The following GPRIN1 variants were observed in gnomAD, a reference collection of about 807,000 sequenced individuals.
GPRIN1 encodes the protein G protein regulated inducer of neurite outgrowth 1, also known as G protein-regulated inducer of neurite outgrowth 1.
A neutral mutation model predicts 2.8 loss-of-function variants in GPRIN1; 4 were observed. The ratio of observed to expected loss-of-function variants is 1.45; its 90% CI spans 0.71 to 3.32. The LOEUF (loss-of-function observed/expected upper bound fraction) is 3.32, where lower values mean the gene tolerates loss of function less well. GPRIN1 is among the 30% of genes most tolerant of loss of function. The pLI is 0.01. For missense variants in GPRIN1, 1,322 were observed against 1,343.4 expected, an observed-to-expected ratio of 0.98 and a Z score of 0.25; for synonymous variants, 589 against 589.9, an observed-to-expected ratio of 1.00 and a Z score of 0.02.
Position 176,595,837 on chromosome 5 carries a change from C to T in GPRIN1, c.*971G>A, listed in dbSNP as rs948071449. The stretch of plus-strand genomic sequence containing the variant: ...ATTTTATTACCAATGTATACTGTGA[C>T]AGTTTGTAGCCAAAAACTGCGGCTG... On this transcript the variant is annotated 3_prime_UTR_variant, in exon 2 of 2. Coordinates refer to ENST00000303991, the MANE Select transcript of GPRIN1 (RefSeq NM_052899.3). 2.0e-4 allele frequency: 132 copies of T among 655,034 alleles called. No individual in the cohort carries two copies. The highest frequency in any genetic ancestry group is 9.1e-4 in the Middle Eastern group (2 of 2,192). The allele number at this position is 655,034 out of a possible 1,614,324, so 40.6% of individuals were successfully genotyped here.
Position 176,599,434 on chromosome 5 carries a change from G to A in GPRIN1, c.401C>T (p.Ser134Phe). The A allele has an allele frequency of 6.2e-7, 1 of 1,614,240 alleles. No homozygotes were observed. Among genetic ancestry groups the A allele is most frequent in the Non-Finnish European group, 8.5e-7 (1 of 1,180,040 alleles). ...TGAGGATTTGGGCTCAGTTTTCACG[G>A]AGGACACAGGCTCTGGCTTCCCAGA... is the stretch of plus-strand genomic sequence containing the variant. Reference protein sequence around the residue: ...TTSGKPEPVSSVKTEPKSSDD... With the variant: ...TTSGKPEPVSFVKTEPKSSDD... Residue 134 changes from serine (S) to phenylalanine (F), a missense_variant, in exon 2 of 2, where the codon TCC becomes TTC. By Grantham distance (155) the Ser-to-Phe change is radical. Coordinates refer to ENST00000303991, the MANE Select transcript of GPRIN1 (RefSeq NM_052899.3).
In GPRIN1 at chr5:176,599,018, C is replaced by T; in HGVS notation, c.817G>A (p.Val273Ile). 3.7e-6 allele frequency: 6 copies of T among 1,614,210 alleles called. No individual in the cohort carries two copies. Among genetic ancestry groups the T allele is most frequent in the Non-Finnish European group, 5.1e-6 (6 of 1,180,034 alleles). The change falls in exon 2 of 2, where the codon GTC becomes ATC. Residue 273 changes from valine to isoleucine, a missense_variant. Around this residue, in one of 3 missense-constraint regions of GPRIN1, gnomAD observed 1,117 missense variants for 1,128.6 expected, o/e 0.99. Coordinates refer to ENST00000303991, the MANE Select transcript of GPRIN1 (RefSeq NM_052899.3). ...GKEHPVSSEK[V>I]APTSAEKVDL... ...ACCTTTTCTGCAGATGTAGGAGCGACCTTTTCTGAGGACACAGGATGCTCT... is the reference window on the plus strand; with the variant it reads ...ACCTTTTCTGCAGATGTAGGAGCGATCTTTTCTGAGGACACAGGATGCTCT...
Position 176,596,942 on chromosome 5 carries a change from G to T in GPRIN1, c.2893C>A (p.Pro965Thr). The change falls in exon 2 of 2, where the codon CCC (proline) becomes ACC (threonine). Residue 965 changes from proline to threonine, a missense_variant. By Grantham distance (38) the Pro-to-Thr change is conservative (BLOSUM62 -1). Transcript: ENST00000303991. This position sits in a 1 kb window ranked among gnomAD's most constrained non-coding sequence, Gnocchi z 5.2. ...PAPPPAARAG[P>T]GRSGSVRTAP... ...GTGCGCACCGAGCCCGAACGGCCGG[G>T]GCCGGCACGGGCGGCGGGCGGCGGC... The T allele has an allele frequency of 8.0e-7, 1 of 1,249,902 alleles. No individual in the cohort carries two copies. Among genetic ancestry groups the T allele is most frequent in the South Asian group, 3.1e-5 (1 of 32,548 alleles). 77.4% of individuals were successfully genotyped at this position (1,249,902 alleles called of 1,614,324 possible).
At chr5:176,608,131 G>T (rs1218337949) in intron 1 of GPRIN1, among the ~76,000 whole-genome samples, 1 of 151,864 alleles carries the variant, frequency 6.6e-6, no homozygotes, top group Admixed American at 6.6e-5. Flanking sequence ...TGTTGCCCAA[G>T]CTTGTCTCAA....
rs771581293 is a variant in GPRIN1, at chr5:176,602,281, C to T, written c.-43-2404G>A. 2.6e-5 allele frequency among the ~76,000 whole-genome samples: 4 copies of T among 152,244 alleles called. No homozygotes were observed. Among genetic ancestry groups the T allele is most frequent in the Non-Finnish European group, 4.4e-5 (3 of 68,046 alleles). ...AAAACAGCCTCCTCCCCAGCTCTGG[C>T]TGGCATTCTCCACCCTCTTATTCTA... On this transcript the variant is annotated intron_variant, in intron 1 of 1. Transcript: ENST00000303991. This position sits in a 1 kb window ranked among gnomAD's most constrained non-coding sequence, Gnocchi z 4.4.
In GPRIN1 at chr5:176,597,508, C is replaced by A. The variant is rs1266832364; in HGVS notation, c.2327G>T (p.Ser776Ile). 3 of 1,459,906 alleles carry A rather than the reference C, an allele frequency of 2.1e-6. No homozygotes were observed. The highest frequency in any genetic ancestry group is 2.7e-6 in the Non-Finnish European group (3 of 1,104,646). 90.4% of individuals were successfully genotyped at this position (1,459,906 alleles called of 1,614,324 possible). A position where few individuals can be genotyped will look rare whatever the true frequency, so the allele number is the denominator to read the frequency against. Residue 776 changes from serine (S) to isoleucine (I), a missense_variant, in exon 2 of 2, where the codon AGC becomes ATC. Coordinates refer to ENST00000303991, the MANE Select transcript of GPRIN1 (RefSeq NM_052899.3). This position sits in a 1 kb window ranked among gnomAD's most constrained non-coding sequence, Gnocchi z 6.1. Reference protein sequence around the residue: ...KDLEAAGAERSPCPEAAAPPP... With the variant: ...KDLEAAGAERIPCPEAAAPPP... ...GGGCGCTGCGGCCTCTGGGCAGGGG[C>A]TTCTCTCGGCCCCAGCGGCTTCCAG...
In GPRIN1 at chr5:176,598,861, G is replaced by A. The variant is rs1292258404; in HGVS notation, c.974C>T (p.Ser325Leu). The A allele has an allele frequency of 1.2e-5, 20 of 1,613,754 alleles. No individual in the cohort carries two copies. The highest frequency in any genetic ancestry group is 2.2e-5 in the East Asian group (1 of 44,888). ...PGLLGKLIPG[S>L]SGKNGPVSSG... is the part of the protein sequence containing the mutation. ...GGATACAGGCCCATTCTTGCCTGAT[G>A]AGCCTGGAATCAGCTTGCCCAGGAG... Residue 325 changes from serine (S) to leucine (L), a missense_variant, in exon 2 of 2, where the codon TCA (serine) becomes TTA (leucine). Around this residue, in one of 3 missense-constraint regions of GPRIN1, gnomAD observed 1,117 missense variants for 1,128.6 expected, o/e 0.99. Transcript: ENST00000303991.
chr5:176,598,117 C>T lies in GPRIN1; in HGVS notation c.1718G>A (p.Gly573Asp). 1.9e-6 allele frequency: 3 copies of T among 1,613,144 alleles called. No homozygotes were observed. The highest frequency in any genetic ancestry group is 2.2e-5 in the East Asian group (1 of 44,862). The change falls in exon 2 of 2, where the codon GGT becomes GAT. Residue 573 changes from glycine (G) to aspartate (D), a missense_variant. By Grantham distance (94) the Gly-to-Asp change is moderately conservative. Coordinates refer to ENST00000303991, the MANE Select transcript of GPRIN1 (RefSeq NM_052899.3). ...TTTTCCTGGAGTTGAGACCACTTTA[C>T]CTATAGACACAGAGTCCCCTTGTCC... ...PSGQGDSVSI[G>D]KVVSTPGKTV...
At position 176,602,138 on chromosome 5, in the gene GPRIN1, T is replaced by C. The variant is rs1038911589; in HGVS notation, c.-43-2261A>G. Among the ~76,000 whole-genome samples, 1 of 152,220 alleles carries C rather than the reference T, an allele frequency of 6.6e-6. No homozygotes were observed. The highest frequency in any genetic ancestry group is 6.5e-5 in the Admixed American group (1 of 15,286). On this transcript the variant is annotated intron_variant, in intron 1 of 1. Transcript: ENST00000303991. This position sits in a 1 kb window ranked among gnomAD's most constrained non-coding sequence, Gnocchi z 4.4. ...GGGTGCCTCGCTGTGCGCCTTGCTG[T>C]GCCTTGAACACGCCTGCCTCCATGC...
chr5:176,606,959 T>A (rs373718887), intron 1 of GPRIN1, among the ~76,000 whole-genome samples: 1 of 152,184 alleles, frequency 6.6e-6, no homozygotes, highest in Non-Finnish European at 1.5e-5. Flanking sequence ...GCCTCTGAGA[T>A]GGGATAAAGT....
Position 176,596,709 on chromosome 5 carries a change from G to A in GPRIN1, c.*99C>T. On this transcript the variant is annotated 3_prime_UTR_variant, in exon 2 of 2. Transcript: ENST00000303991. This position sits in a 1 kb window ranked among gnomAD's most constrained non-coding sequence, Gnocchi z 5.2. The stretch of plus-strand genomic sequence containing the variant: ...AGCCCTAGAGGCTGCACAACCCCTC[G>A]GAGGCCTGTGGCACGCAGAGGGGAC... 9.7e-7 allele frequency: 1 copy of A among 1,035,110 alleles called. No homozygotes were observed. 64.1% of individuals were successfully genotyped at this position (1,035,110 alleles called of 1,614,324 possible). A position where few individuals can be genotyped will look rare whatever the true frequency, so the allele number is the denominator to read the frequency against.
intron 1 of GPRIN1, among the ~76,000 whole-genome samples, chr5:176,600,330 C>T (rs534111686): frequency 5.9e-5 from 9 of 152,052 alleles, no homozygotes; most frequent in African/African-American, 9.6e-5. Flanking sequence ...TTCGAACTCC[C>T]GACCTCAGGT....
chr5:176,610,156 C>T lies in GPRIN1; in HGVS notation c.-201G>A, dbSNP rs2113358211. 1 of 150,970 alleles carries T rather than the reference C, an allele frequency of 6.6e-6. No homozygotes were observed. Among genetic ancestry groups the T allele is most frequent in the East Asian group, 2.0e-4 (1 of 5,114 alleles). 9.4% of individuals were successfully genotyped at this position (150,970 alleles called of 1,614,324 possible). A position where few individuals can be genotyped will look rare whatever the true frequency, so the allele number is the denominator to read the frequency against. ...CCCCAGCGCCGGCTCCGCGCTCCCG[C>T]CCCGCGCCCCGCCCCGGGCATGCGC... is the stretch of plus-strand genomic sequence containing the variant. On this transcript the variant is annotated 5_prime_UTR_variant, in exon 1 of 2. Coordinates refer to ENST00000303991, the MANE Select transcript of GPRIN1 (RefSeq NM_052899.3).
At position 176,602,443 on chromosome 5, in the gene GPRIN1, G is replaced by T. The variant is rs948137408; in HGVS notation, c.-43-2566C>A. The stretch of plus-strand genomic sequence containing the variant: ...GCTGTGCTATCTGATATATCCCAGA[G>T]TTGAGACCTGGCACACATGCAGTAA... On this transcript the variant is annotated intron_variant, in intron 1 of 1. Coordinates refer to ENST00000303991, the MANE Select transcript of GPRIN1 (RefSeq NM_052899.3). The surrounding 1 kb of genome is among the most constrained non-coding windows in gnomAD (Gnocchi z 4.4). Among the ~76,000 whole-genome samples the T allele has an allele frequency of 2.6e-5, 4 of 152,096 alleles. No individual in the cohort carries two copies. The highest frequency in any genetic ancestry group is 5.9e-5 in the Non-Finnish European group (4 of 68,014).
rs767527077 is a variant in GPRIN1 at position 176,596,874 on chromosome 5, G to C, written c.2961C>G (p.Phe987Leu). Residue 987 changes from phenylalanine to leucine, a missense_variant, in exon 2 of 2, where the codon TTC becomes TTG. By Grantham distance (22) the Phe-to-Leu change is conservative. This residue lies in a region of GPRIN1 where 196 missense variants were observed against 189.2 expected (regional missense o/e 1.04). Coordinates refer to ENST00000303991, the MANE Select transcript of GPRIN1 (RefSeq NM_052899.3). This position sits in a 1 kb window ranked among gnomAD's most constrained non-coding sequence, Gnocchi z 5.2. ...GGCGCACACTCTGCAGCAGCGCGCG[G>C]AACAGGCCGGGCGGACGCTTGGCGG... ...DGAAKRPPGLFRALLQSVRRP... is the reference protein window; with the variant it reads ...DGAAKRPPGLLRALLQSVRRP... 2 of 1,341,470 alleles carry C rather than the reference G, an allele frequency of 1.5e-6. No homozygotes were observed. The highest frequency in any genetic ancestry group is 2.9e-5 in the Admixed American group (1 of 34,610). 83.1% of individuals were successfully genotyped at this position (1,341,470 alleles called of 1,614,324 possible).
At chr5:176,600,645 G>A (rs73330384) in intron 1 of GPRIN1, among the ~76,000 whole-genome samples, 4,264 of 152,212 alleles carry the variant, frequency 0.028, 74 homozygotes, top group Middle Eastern at 0.051. Flanking sequence ...CGGGTGCGGC[G>A]GCTCACGCCT....
chr5:176,600,148 T>A (rs1246381772), intron 1 of GPRIN1, among the ~76,000 whole-genome samples: 6 of 152,310 alleles, frequency 3.9e-5, no homozygotes, highest in Admixed American at 3.9e-4. Context: ...GAGACAGAGT[T>A]TCGCTCTTGT....
chr5:176,598,837 G>A lies in GPRIN1; in HGVS notation c.998C>T (p.Ser333Phe). The change falls in exon 2 of 2, where the codon TCC (serine) becomes TTC (phenylalanine). Residue 333 changes from serine to phenylalanine, a missense_variant. By Grantham distance (155) the Ser-to-Phe change is radical. This residue lies in a region of GPRIN1 where 1,117 missense variants were observed against 1,128.6 expected (regional missense o/e 0.99). Transcript: ENST00000303991. Reference protein sequence around the residue: ...PGSSGKNGPVSSGTGAPGSLG... With the variant: ...PGSSGKNGPVFSGTGAPGSLG... ...GGACCCAGGAGCCCCGGTCCCAGAG[G>A]ATACAGGCCCATTCTTGCCTGATGA... 1 of 1,613,774 alleles carries A rather than the reference G, an allele frequency of 6.2e-7. No individual in the cohort carries two copies. Among genetic ancestry groups the A allele is most frequent in the Non-Finnish European group, 8.5e-7 (1 of 1,179,976 alleles).
chr5:176,596,719 G>T lies in GPRIN1; in HGVS notation c.*89C>A. 1 of 1,143,426 alleles carries T rather than the reference G, an allele frequency of 8.7e-7. No individual in the cohort carries two copies. The allele number at this position is 1,143,426 out of a possible 1,614,324, so 70.8% of individuals were successfully genotyped here. On this transcript the variant is annotated 3_prime_UTR_variant, in exon 2 of 2. Coordinates refer to ENST00000303991, the MANE Select transcript of GPRIN1 (RefSeq NM_052899.3). The surrounding 1 kb of genome is among the most constrained non-coding windows in gnomAD (Gnocchi z 5.2). The stretch of plus-strand genomic sequence containing the variant: ...GCTGCACAACCCCTCGGAGGCCTGT[G>T]GCACGCAGAGGGGACCCCTTCTAGG...
Sources: gnomAD v4.1 joint callset for allele counts (sites outside exome capture counted in the v4.1 genomes callset) on GRCh38, gnomAD v4.1.1 for gene constraint, gnomAD v4.1.1 regional missense constraint, Gnocchi (gnomAD v3.1) non-coding constraint, MANE v1.5 for transcripts, NCBI Gene and HGNC (gene_info 2026-07-23, HGNC 2026-07-21) for gene names.